CASP8: variants seen among roughly 807,000 people sequenced by gnomAD.
CASP8 encodes caspase-8.
In CASP8, 24 loss-of-function variants were observed where a neutral mutation model predicts 46.3. The ratio of observed to expected loss-of-function variants is 0.52; its 90% confidence interval spans 0.38 to 0.73. CASP8 has a LOEUF of 0.73. Among genes scored for constraint, CASP8 ranks in the 30% least tolerant of loss-of-function variants. The pLI, the probability that CASP8 is intolerant of heterozygous loss-of-function variation, is 0.00. For missense variants in CASP8, 460 were observed against 559.0 expected, an observed-to-expected ratio of 0.82 and a Z score of 1.79; for synonymous variants, 188 against 200.4, an observed-to-expected ratio of 0.94 and a Z score of 0.52.
chr2:201,279,005 G>C (rs532276806), intron 7 of CASP8, among the ~76,000 whole-genome samples: 5 of 152,070 alleles, frequency 3.3e-5, no homozygotes, highest in Non-Finnish European at 5.9e-5. Context: ...AAAGAGTCGA[G>C]GTAATTGACT....
At chr2:201,247,848 T>G (rs147538031) in intron 2 of CASP8, among the ~76,000 whole-genome samples, 1,819 of 152,224 alleles carry the variant, frequency 0.012, 17 homozygotes, top group Non-Finnish European at 0.017. Flanking sequence ...GTTTCACTGT[T>G]TTAGCCAGGA....
chr2:201,241,422 T>C (rs530103995), intron 2 of CASP8: 5 of 152,134 alleles, frequency 3.3e-5, no homozygotes, highest in Non-Finnish European at 5.9e-5. Context: ...TAATGAACAA[T>C]TCTATTCCAA....
At position 201,266,703 on chromosome 2, in the gene CASP8, G is replaced by C. The variant is rs2125155173; in HGVS notation, c.217G>C (p.Asp73His). The C allele has an allele frequency of 6.2e-7, 1 of 1,614,156 alleles. No individual in the cohort carries two copies. Among genetic ancestry groups the C allele is most frequent in the Non-Finnish European group, 8.5e-7 (1 of 1,180,000 alleles). ...GCTGCTCTTCCGAATTAATAGACTG[G>C]ATTTGCTGATTACCTACCTAAACAC... ...KELLFRINRL[D>H]LLITYLNTRK... Residue 73 changes from aspartate to histidine, a missense_variant, in exon 2 of 9, where the codon GAT becomes CAT. Physicochemically the swap from Asp to His is moderately conservative, Grantham distance 81. Transcript: ENST00000673742. This position sits in a 1 kb window ranked among gnomAD's most constrained non-coding sequence, Gnocchi z 5.7.
Position 201,285,295 on chromosome 2 carries a change from A to G in CASP8, c.1282A>G (p.Ser428Gly), listed in dbSNP as rs2125491526. The G allele has an allele frequency of 6.2e-7, 1 of 1,613,830 alleles. No individual in the cohort carries two copies. The highest frequency in any genetic ancestry group is 8.5e-7 in the Non-Finnish European group (1 of 1,180,040). The change falls in exon 8 of 9, where the codon AGC (serine) becomes GGC (glycine). Residue 428 changes from serine (S) to glycine (G), a missense_variant. Coordinates refer to ENST00000673742, the MANE Select transcript of CASP8 (RefSeq NM_001372051.1). Reference sequence around the variant, plus strand: ...CTGGTACATCCAGTCACTTTGCCAGAGCCTGAGAGAGCGATGTCCTCGGTA... The same window carrying G: ...CTGGTACATCCAGTCACTTTGCCAGGGCCTGAGAGAGCGATGTCCTCGGTA... The part of the protein sequence containing the change: ...GTWYIQSLCQ[S>G]LRERCPRGDD...
chr2:201,244,975 A>G, intron 2 of CASP8, among the ~76,000 whole-genome samples: 1 of 152,222 alleles, frequency 6.6e-6, no homozygotes, highest in Non-Finnish European at 1.5e-5. Context: ...TGCATAGTCC[A>G]GGCCGAGGTT....
chr2:201,248,185 A>G (rs2124972176), intron 2 of CASP8, among the ~76,000 whole-genome samples: 1 of 152,314 alleles, frequency 6.6e-6, no homozygotes, highest in Admixed American at 6.5e-5. Context: ...TTCGGTAATT[A>G]AGCAGGTAAA....
At chr2:201,239,161 C>T (rs1221956692) in intron 2 of CASP8, among the ~76,000 whole-genome samples, 1 of 152,242 alleles carries the variant, frequency 6.6e-6, no homozygotes, top group Non-Finnish European at 1.5e-5. Context: ...TCTCCCATGT[C>T]TACCTCTCTC....
At chr2:201,271,056 T>C (rs1466163602) in intron 2 of CASP8, among the ~76,000 whole-genome samples, 1 of 152,082 alleles carries the variant, frequency 6.6e-6, no homozygotes, top group Non-Finnish European at 1.5e-5. Flanking sequence ...TGGTCTGTGA[T>C]AGGGATGTAT....
At chr2:201,255,864 C>T (rs1228243427), upstream of CASP8, among the ~76,000 whole-genome samples, 1 of 152,310 alleles carries the variant, frequency 6.6e-6, no homozygotes, top group South Asian at 2.1e-4. Context: ...CAGTTATCCT[C>T]TCACCTCAGC....
intron 2 of CASP8, among the ~76,000 whole-genome samples, chr2:201,254,894 C>A (rs1254648603): frequency 6.6e-6 from 1 of 152,214 alleles, no homozygotes; most frequent in Non-Finnish European, 1.5e-5. Context: ...GCAGCTCCAG[C>A]AACACCTCCG....
At chr2:201,273,293 A>C (rs940673625) in intron 5 of CASP8, among the ~76,000 whole-genome samples, 2 of 152,184 alleles carry the variant, frequency 1.3e-5, no homozygotes, top group Non-Finnish European at 2.9e-5. Flanking sequence ...TCCTGACCTC[A>C]GGTGGTCTGC....
At position 201,272,167 on chromosome 2, in the gene CASP8, C is replaced by CTG. The variant is rs994776715; in HGVS notation, c.412-463_412-462dup. 1.3e-5 allele frequency among the ~76,000 whole-genome samples: 2 copies of CTG among 150,992 alleles called. No individual in the cohort carries two copies. The highest frequency in any genetic ancestry group is 3.0e-5 in the Non-Finnish European group (2 of 67,712). ...TGTAGTGTGTATTGTATTTATGCCC[C>CTG]TGTGTGTGTATCACTGAGTATACTC... On this transcript the variant is annotated intron_variant, in intron 3 of 8. Coordinates refer to ENST00000673742, the MANE Select transcript of CASP8 (RefSeq NM_001372051.1). The surrounding 1 kb of genome is among the most constrained non-coding windows in gnomAD (Gnocchi z 4.4).
chr2:201,245,144 G>A (rs1355107908), intron 2 of CASP8, among the ~76,000 whole-genome samples: 1 of 152,190 alleles, frequency 6.6e-6, no homozygotes, highest in Non-Finnish European at 1.5e-5. Context: ...CACAAATCTG[G>A]GGCCATTATC....
At chr2:201,251,767 G>GT (rs1488334009) in intron 2 of CASP8, among the ~76,000 whole-genome samples, 1 of 151,850 alleles carries the variant, frequency 6.6e-6, no homozygotes, top group Non-Finnish European at 1.5e-5. Context: ...GCTGGGCGTG[G>GT]TGGTCATGCC....
chr2:201,244,336 A>T (rs1483332749), intron 2 of CASP8, among the ~76,000 whole-genome samples: 1 of 152,250 alleles, frequency 6.6e-6, no homozygotes. Context: ...TGCCTGGGAC[A>T]GGCATATCAA....
Position 201,266,354 on chromosome 2 carries a change from C to G in CASP8, c.-26-107C>G. ...TGGTGTTCTTTTTTTCTCTCCTGTG[C>G]TGACAGCACAATGACCAGTACCTAG... On this transcript the variant is annotated intron_variant, in intron 1 of 8. Coordinates refer to ENST00000673742, the MANE Select transcript of CASP8 (RefSeq NM_001372051.1). This position sits in a 1 kb window ranked among gnomAD's most constrained non-coding sequence, Gnocchi z 5.7. The G allele has an allele frequency of 1.2e-6, 1 of 828,970 alleles. No individual in the cohort carries two copies. The highest frequency in any genetic ancestry group is 2.0e-6 in the Non-Finnish European group (1 of 497,820). The allele number at this position is 828,970 out of a possible 1,614,324, so 51.4% of individuals were successfully genotyped here.
intron 2 of CASP8, among the ~76,000 whole-genome samples, chr2:201,267,391 C>T (rs1157212063): frequency 6.6e-6 from 1 of 152,124 alleles, no homozygotes; most frequent in African/African-American, 2.4e-5. Flanking sequence ...ACTCGAATGA[C>T]TAAGTTCTTT....
chr2:201,283,052 C>G (rs1949222256), intron 7 of CASP8, among the ~76,000 whole-genome samples: 1 of 72,706 alleles, frequency 1.4e-5, no homozygotes, highest in Admixed American at 1.1e-4. Flanking sequence ...GGGCTGACCC[C>G]CCCTCCCCCC....
intron 7 of CASP8, among the ~76,000 whole-genome samples, chr2:201,283,680 A>C (rs373050053): frequency 1 from 51,658 of 51,766 alleles, 25,783 homozygotes; most frequent in Middle Eastern, 1. Context: ...GACGGGGCGG[A>C]TGGCCGACCA....
Sources: gnomAD v4.1 joint callset for allele counts (sites outside exome capture counted in the v4.1 genomes callset) on GRCh38, gnomAD v4.1.1 for gene constraint, Gnocchi (gnomAD v3.1) non-coding constraint, MANE v1.5 for transcripts, NCBI Gene and HGNC (gene_info 2026-07-23, HGNC 2026-07-21) for gene names.